The following EBF4 variants were observed in gnomAD, a reference collection of about 807,000 sequenced individuals.
The protein encoded by EBF4 is transcription factor COE4.
Under a neutral mutation model 67.1 loss-of-function variants are expected in EBF4, and 34 were observed. The observed-to-expected ratio is 0.51, with a 90% confidence interval of 0.39 to 0.67. The LOEUF (loss-of-function observed/expected upper bound fraction) is 0.67. Ranked by LOEUF, EBF4 falls within the 30% of genes least tolerant of loss-of-function variation. The pLI is 0.00. For missense variants in EBF4, 837 were observed against 873.3 expected, an observed-to-expected ratio of 0.96 and a Z score of 0.52; for synonymous variants, 387 against 377.7, an observed-to-expected ratio of 1.02 and a Z score of -0.29.
rs1012311788 is a variant in EBF4, at chr20:2,693,579, T to A, written c.-67T>A. The A allele has an allele frequency of 7.6e-7, 1 of 1,321,480 alleles. No homozygotes were observed. Among genetic ancestry groups the A allele is most frequent in the Non-Finnish European group, 9.6e-7 (1 of 1,038,656 alleles). 81.9% of individuals were successfully genotyped at this position (1,321,480 alleles called of 1,614,324 possible). On this transcript the variant is annotated 5_prime_UTR_variant, in exon 1 of 17. Transcript: ENST00000609451. The surrounding 1 kb of genome is among the most constrained non-coding windows in gnomAD (Gnocchi z 4.6). ...CTGGTGCCGTCGGGTCGGGCTGAGCTAGACGCCCGCAGCCTCAGCGGGACC... is the reference window on the plus strand; with the variant it reads ...CTGGTGCCGTCGGGTCGGGCTGAGCAAGACGCCCGCAGCCTCAGCGGGACC...
Position 2,755,838 on chromosome 20 carries a change from C to T in EBF4, c.1738+14C>T. 1 of 1,543,106 alleles carries T rather than the reference C, an allele frequency of 6.5e-7. No homozygotes were observed. Among genetic ancestry groups the T allele is most frequent in the East Asian group, 2.4e-5 (1 of 40,900 alleles). On this transcript the variant is annotated intron_variant, in intron 15 of 16. Transcript: ENST00000609451. This position sits in a 1 kb window ranked among gnomAD's most constrained non-coding sequence, Gnocchi z 4.7. ...AGGGGCTTCCAGGTGAGTGATCCAC[C>T]CTGCCTCACTGTGGCAGGAAGGAAG...
chr20:2,751,955 G>A lies in EBF4; in HGVS notation c.1141G>A (p.Glu381Lys). Residue 381 changes from glutamate (E) to lysine (K), a missense_variant, in exon 12 of 17, where the codon GAA becomes AAA. Around this residue, in one of 3 missense-constraint regions of EBF4, gnomAD observed 525 missense variants for 496.5 expected, o/e 1.06. Transcript: ENST00000609451. This position sits in a 1 kb window ranked among gnomAD's most constrained non-coding sequence, Gnocchi z 5.2. ...GCTGAAGCGGGCGGCCGACTTGGCA[G>A]AAGCCCTGTACGGAGTGCCCGGCAG... The A allele has an allele frequency of 6.5e-7, 1 of 1,549,086 alleles. No individual in the cohort carries two copies. Among genetic ancestry groups the A allele is most frequent in the Non-Finnish European group, 8.7e-7 (1 of 1,146,774 alleles).
intron 6 of EBF4, among the ~76,000 whole-genome samples, chr20:2,714,859 T>C (rs1043979686): frequency 3.9e-5 from 6 of 152,226 alleles, no homozygotes; most frequent in Non-Finnish European, 2.9e-5. Flanking sequence ...TCCAATATTA[T>C]TTTTTAAATG....
chr20:2,736,870 TC>T (rs1394484210), intron 6 of EBF4, among the ~76,000 whole-genome samples: 2 of 152,180 alleles, frequency 1.3e-5, no homozygotes, highest in African/African-American at 4.8e-5. Context: ...TGAGGAGACC[TC>T]TGGGCAGCCG....
intron 15 of EBF4, among the ~76,000 whole-genome samples, chr20:2,757,477 G>C (rs1241380787): frequency 6.6e-6 from 1 of 152,154 alleles, no homozygotes; most frequent in Non-Finnish European, 1.5e-5. Context: ...AGGGCAAGGG[G>C]GCTGCTTGGT....
intron 7 of EBF4, 142 bp downstream of exon 7, chr20:2,748,772 C>T: frequency 2.1e-6 from 2 of 962,706 alleles, no homozygotes; most frequent in Non-Finnish European, 3.0e-6. Context: ...GCCTCCCCAG[C>T]CTGGTTGGTG....
exon 13 of EBF4, chr20:2,752,194 G>A: frequency 1.4e-6 from 2 of 1,426,144 alleles, no homozygotes; most frequent in South Asian, 1.4e-5. Context: ...CCCCGCCGTC[G>A]TGGGCATCAA....
exon 8 of EBF4, chr20:2,749,509 C>A: frequency 6.5e-7 from 1 of 1,546,820 alleles, no homozygotes; most frequent in South Asian, 1.2e-5. Flanking sequence ...CCGCCTGGAC[C>A]CCTCCGAAGG....
chr20:2,709,627 C>T, exon 6 of EBF4: 1 of 1,554,616 alleles, frequency 6.4e-7, no homozygotes, highest in Non-Finnish European at 8.7e-7. Context: ...CCCTCAGACC[C>T]CGTCATCATT....
chr20:2,729,269 G>A (rs1454630311), intron 6 of EBF4, among the ~76,000 whole-genome samples: 1 of 151,894 alleles, frequency 6.6e-6, no homozygotes, highest in Non-Finnish European at 1.5e-5. Context: ...AGCCAGCCAC[G>A]CTCAAAGAAC....
chr20:2,737,126 T>TA (rs2087895183), intron 6 of EBF4, among the ~76,000 whole-genome samples: 1 of 150,812 alleles, frequency 6.6e-6, no homozygotes, highest in African/African-American at 2.4e-5. Context: ...GGCGGGCGCC[T>TA]GTAGTCCCAG....
At chr20:2,757,969 A>T (rs2088271191) in intron 15 of EBF4, among the ~76,000 whole-genome samples, 1 of 152,178 alleles carries the variant, frequency 6.6e-6, no homozygotes, top group African/African-American at 2.4e-5. Flanking sequence ...AAATAAGTAA[A>T]TAAATAAATA....
intron 6 of EBF4, among the ~76,000 whole-genome samples, chr20:2,719,336 G>T (rs1448338576): frequency 6.6e-6 from 1 of 152,044 alleles, no homozygotes; most frequent in African/African-American, 2.4e-5. Flanking sequence ...GTGCAGTGGC[G>T]CAATCTCGGC....
chr20:2,719,696 T>A (rs2087655173), intron 6 of EBF4, among the ~76,000 whole-genome samples: 1 of 152,108 alleles, frequency 6.6e-6, no homozygotes, highest in African/African-American at 2.4e-5. Context: ...TGAGTCACCA[T>A]GCCCAGCCCT....
At chr20:2,714,597 C>T (rs2087584931) in intron 6 of EBF4, among the ~76,000 whole-genome samples, 2 of 152,230 alleles carry the variant, frequency 1.3e-5, no homozygotes, top group South Asian at 2.1e-4. Flanking sequence ...AGGAATTCTT[C>T]TGCCTTGGCC....
intron 6 of EBF4, among the ~76,000 whole-genome samples, chr20:2,724,133 TTA>T (rs1014431423): frequency 4.6e-5 from 7 of 152,234 alleles, no homozygotes; most frequent in Non-Finnish European, 7.3e-5. Context: ...CTTCTCAGTT[TTA>T]TATTCAGTGA....
chr20:2,726,060 G>C (rs779464600), intron 6 of EBF4, among the ~76,000 whole-genome samples: 6 of 151,688 alleles, frequency 4.0e-5, no homozygotes, highest in Non-Finnish European at 8.8e-5. Flanking sequence ...AGAAAATAAG[G>C]CTCTACATGT....
At position 2,755,408 on chromosome 20, in the gene EBF4, T is replaced by G. The variant is rs2146518998; in HGVS notation, c.1541-219T>G. The stretch of plus-strand genomic sequence containing the variant: ...GTTTTGCTTTTGTCTTTACCTGGTC[T>G]GGCCCTGTCATCCCCAGCCCCGAGA... On this transcript the variant is annotated intron_variant, in intron 14 of 16. Transcript: ENST00000609451. This position sits in a 1 kb window ranked among gnomAD's most constrained non-coding sequence, Gnocchi z 4.7. 3 of 563,432 alleles carry G rather than the reference T, an allele frequency of 5.3e-6. No individual in the cohort carries two copies. The East Asian group carries it at 9.0e-5, about 17-fold the overall frequency. The allele number at this position is 563,432 out of a possible 1,614,324, so 34.9% of individuals were successfully genotyped here. A position where few individuals can be genotyped will look rare whatever the true frequency, so the allele number is the denominator to read the frequency against.
intron 6 of EBF4, among the ~76,000 whole-genome samples, chr20:2,717,557 T>C (rs1160775487): frequency 6.6e-6 from 1 of 152,230 alleles, no homozygotes; most frequent in Admixed American, 6.5e-5. Context: ...ATTTTGTTGC[T>C]ATTGTAAATG....
Sources: gnomAD v4.1 joint callset for allele counts (sites outside exome capture counted in the v4.1 genomes callset) on GRCh38, gnomAD v4.1.1 for gene constraint, gnomAD v4.1.1 regional missense constraint, Gnocchi (gnomAD v3.1) non-coding constraint, MANE v1.5 for transcripts, NCBI Gene and HGNC (gene_info 2026-07-23, HGNC 2026-07-21) for gene names.